The following NTM variants were observed in gnomAD, a reference collection of about 807,000 sequenced individuals.
NTM encodes IgLON family member 2.
In NTM, 13 loss-of-function variants were observed where a neutral mutation model predicts 42.1. That is an observed-to-expected ratio of 0.31 (90% confidence interval 0.20 to 0.49). The LOEUF (loss-of-function observed/expected upper bound fraction) is 0.49. Ranked by LOEUF, NTM falls within the 20% of genes least tolerant of loss-of-function variation. The pLI is 0.99. For synonymous variants in NTM, 187 were observed against 179.2 expected, an observed-to-expected ratio of 1.04 and a Z score of -0.35; for missense variants, 373 against 452.8, an observed-to-expected ratio of 0.82 and a Z score of 1.60.
chr11:131,940,289 A>G (rs1045046654), intron 2 of NTM, among the ~76,000 whole-genome samples: 2 of 152,212 alleles, frequency 1.3e-5, no homozygotes, highest in African/African-American at 4.8e-5. Flanking sequence ...ACGACTAAAT[A>G]ATACAATGGA....
chr11:131,416,095 C>T (rs915776671), intron 1 of NTM, among the ~76,000 whole-genome samples: 1 of 151,994 alleles, frequency 6.6e-6, no homozygotes, highest in African/African-American at 2.4e-5. Context: ...AAATAATTTG[C>T]TTTTTTATCT....
At chr11:131,570,943 G>C (rs1442253665) in intron 1 of NTM, among the ~76,000 whole-genome samples, 1 of 152,252 alleles carries the variant, frequency 6.6e-6, no homozygotes, top group Non-Finnish European at 1.5e-5. Context: ...TCTCCAGAGG[G>C]AAGAGAGTGG....
intron 1 of NTM, among the ~76,000 whole-genome samples, chr11:131,751,773 C>T (rs11222771): frequency 7.7e-5 from 11 of 143,006 alleles, no homozygotes; most frequent in Admixed American, 2.1e-4. Context: ...TCACCCCCCC[C>T]CAAAATATAT....
At chr11:131,545,782 G>C (rs1216354717) in intron 1 of NTM, among the ~76,000 whole-genome samples, 1 of 152,184 alleles carries the variant, frequency 6.6e-6, no homozygotes, top group Non-Finnish European at 1.5e-5. Context: ...TGAGTTGAAG[G>C]TGTCGTCAAG....
At chr11:131,513,902 G>T (rs2048565703) in intron 1 of NTM, among the ~76,000 whole-genome samples, 3 of 152,060 alleles carry the variant, frequency 2.0e-5, no homozygotes, top group South Asian at 4.1e-4. Context: ...AGAGCCCCAG[G>T]GGAAGAGAAG....
intron 2 of NTM, among the ~76,000 whole-genome samples, chr11:132,011,828 G>A (rs995445548): frequency 1.3e-5 from 2 of 152,074 alleles, no homozygotes; most frequent in African/African-American, 4.8e-5. Context: ...ATCTGTGCAT[G>A]CTCATTCCTA....
At chr11:132,014,840 G>A (rs958340413) in intron 2 of NTM, among the ~76,000 whole-genome samples, 1 of 149,246 alleles carries the variant, frequency 6.7e-6, no homozygotes. Flanking sequence ...CATTCCACAG[G>A]TGTCTCTTCA....
intron 1 of NTM, among the ~76,000 whole-genome samples, chr11:131,688,291 T>C (rs901160453): frequency 6.6e-6 from 1 of 152,184 alleles, no homozygotes; most frequent in Non-Finnish European, 1.5e-5. Context: ...TTGCCCGTCC[T>C]CCTTCCGTGC....
At chr11:131,908,003 A>G (rs577410410) in intron 1 of NTM, among the ~76,000 whole-genome samples, 46 of 152,304 alleles carry the variant, frequency 3.0e-4, no homozygotes, top group African/African-American at 1.1e-3. Context: ...CCACTTTCTA[A>G]ACTTCTATGT....
chr11:132,269,307 C>T (rs2139665114), intron 4 of NTM, among the ~76,000 whole-genome samples: 1 of 152,254 alleles, frequency 6.6e-6, no homozygotes, highest in African/African-American at 2.4e-5. Flanking sequence ...AAATAAGTTA[C>T]CAAAGGTAAT....
At chr11:132,043,069 T>C (rs982316770) in intron 2 of NTM, among the ~76,000 whole-genome samples, 1 of 152,336 alleles carries the variant, frequency 6.6e-6, no homozygotes, top group Admixed American at 6.5e-5. Context: ...GCAGTTCTTA[T>C]GATGCTGTAG....
chr11:131,370,932 G>T, intron 1 of NTM, 44 bp downstream of exon 1: 1 of 1,609,038 alleles, frequency 6.2e-7, no homozygotes, highest in Non-Finnish European at 8.5e-7. Context: ...CCCAGGAATT[G>T]TACAGTGTGC....
At chr11:131,456,016 G>A (rs1950856367) in intron 1 of NTM, among the ~76,000 whole-genome samples, 1 of 152,328 alleles carries the variant, frequency 6.6e-6, no homozygotes, top group Non-Finnish European at 1.5e-5. Flanking sequence ...CACTAGCAAA[G>A]TCTTGACCCA....
chr11:132,045,332 C>T (rs1196680741), intron 2 of NTM, among the ~76,000 whole-genome samples: 1 of 152,128 alleles, frequency 6.6e-6, no homozygotes, highest in African/African-American at 2.4e-5. Flanking sequence ...AGGAAGAGGT[C>T]AGAGGAATGA....
At chr11:132,315,584 A>AG (rs1217801731) in intron 7 of NTM, among the ~76,000 whole-genome samples, 1 of 152,142 alleles carries the variant, frequency 6.6e-6, no homozygotes, top group Non-Finnish European at 1.5e-5. Flanking sequence ...TGGGGAAGTA[A>AG]GGGGAGGCAT....
intron 1 of NTM, among the ~76,000 whole-genome samples, chr11:131,789,613 G>A (rs1565552703): frequency 2.5e-4 from 21 of 84,536 alleles, no homozygotes; most frequent in Non-Finnish European, 3.7e-4. Context: ...AGAAGAAGAA[G>A]AAGAAGAAGA....
chr11:132,131,588 A>G (rs774149419), intron 2 of NTM, among the ~76,000 whole-genome samples: 5 of 152,046 alleles, frequency 3.3e-5, no homozygotes, highest in Non-Finnish European at 7.4e-5. Context: ...ACAGAGGGGC[A>G]GTGTGGGAAA....
intron 2 of NTM, among the ~76,000 whole-genome samples, chr11:131,995,100 A>G (rs2067749437): frequency 6.6e-6 from 1 of 152,174 alleles, no homozygotes; most frequent in East Asian, 1.9e-4. Context: ...CCTGCACAGC[A>G]TGCCCAATCT....
chr11:132,059,131 C>T (rs1054367295), intron 2 of NTM, among the ~76,000 whole-genome samples: 1 of 152,240 alleles, frequency 6.6e-6, no homozygotes, highest in African/African-American at 2.4e-5. Context: ...ATCCCTTCTT[C>T]CTCATAGCCT....
Sources: gnomAD v4.1 joint callset for allele counts (sites outside exome capture counted in the v4.1 genomes callset) on GRCh38, gnomAD v4.1.1 for gene constraint, MANE v1.5 for transcripts, NCBI Gene and HGNC (gene_info 2026-07-23, HGNC 2026-07-21) for gene names.